Variants in NFATC2 observed in about 807,000 individuals in gnomAD.
NFATC2 encodes nuclear factor of activated T-cells, cytoplasmic 2.
Under a neutral mutation model 87.3 loss-of-function variants are expected in NFATC2, and 22 were observed. That is an observed-to-expected ratio of 0.25 (90% CI 0.18 to 0.36). The LOEUF is 0.36. Ranked by LOEUF, NFATC2 falls within the 10% of genes least tolerant of loss-of-function variation. The probability of loss-of-function intolerance (pLI) is 1.00; values close to 1 mark genes in which losing one functional copy is unlikely to be tolerated. For missense variants in NFATC2, 1,149 were observed against 1,259.1 expected (o/e 0.91, Z 1.32); for synonymous variants, 565 against 542.2 (o/e 1.04, Z -0.58).
Position 51,523,387 on chromosome 20 carries a change from G to T in NFATC2, c.854C>A (p.Pro285His). Residue 285 changes from proline (P) to histidine (H), a missense_variant, in exon 2 of 11, where the codon CCC (proline) becomes CAC (histidine). By Grantham distance (77) the Pro-to-His change is moderately conservative (BLOSUM62 -2). This residue lies in a region of NFATC2 where 563 missense variants were observed against 585.2 expected (regional missense o/e 0.96). Transcript: ENST00000371564. The surrounding 1 kb of genome is among the most constrained non-coding windows in gnomAD (Gnocchi z 6.9). ...CCCAGCCGGGGAGCCGTGGTCCTGG[G>T]GTGCCACGTGAGATGAGGGCTGCGG... ...PSPQPSSHVAPQDHGSPAGYP... is the reference protein window; with the variant it reads ...PSPQPSSHVAHQDHGSPAGYP... 6.2e-7 allele frequency: 1 copy of T among 1,610,618 alleles called. No homozygotes were observed. Among genetic ancestry groups the T allele is most frequent in the African/African-American group, 1.3e-5 (1 of 74,992 alleles).
chr20:51,450,610 A>G (rs1234918875), intron 6 of NFATC2, among the ~76,000 whole-genome samples: 1 of 152,238 alleles, frequency 6.6e-6, no homozygotes, highest in Non-Finnish European at 1.5e-5. Context: ...TTTTACAGAC[A>G]GGGAAGCTGA....
In NFATC2 at chr20:51,526,977, C is replaced by T. The variant is rs147045350; in HGVS notation, c.131-2867G>A. Among the ~76,000 whole-genome samples, 523 of 152,240 alleles carry T rather than the reference C, an allele frequency of 3.4e-3. 4 individuals are homozygous for T. Among genetic ancestry groups the T allele is most frequent in the African/African-American group, 0.012 (494 of 41,532 alleles). The stretch of plus-strand genomic sequence containing the variant: ...GCTGTGGCGCAATAATAGCTCACTG[C>T]AGCCTCCACCTCCCAGGCTCAAGCA... On this transcript the variant is annotated intron_variant, in intron 1 of 10. Transcript: ENST00000371564.
chr20:51,544,874 G>A (rs917328613), upstream of NFATC2, among the ~76,000 whole-genome samples: 1 of 152,172 alleles, frequency 6.6e-6, no homozygotes, highest in Non-Finnish European at 1.5e-5. Context: ...GGGGCCTGGG[G>A]GCTGGCTCAG....
At chr20:51,511,727 T>C (rs1317447465) in intron 3 of NFATC2, among the ~76,000 whole-genome samples, 3 of 152,196 alleles carry the variant, frequency 2.0e-5, no homozygotes, top group African/African-American at 7.2e-5. Context: ...CCTTGATCTT[T>C]CCCCTGGTAC....
At position 51,393,813 on chromosome 20, in the gene NFATC2, A is replaced by G. The variant is rs1448816933; in HGVS notation, c.*45-2362T>C. 2.0e-5 allele frequency among the ~76,000 whole-genome samples: 3 copies of G among 152,212 alleles called. 1 individual carries two copies. The highest frequency in any genetic ancestry group is 7.2e-5 in the African/African-American group (3 of 41,444). ...CTTAATGAAAACTTTCCACAGCCTC[A>G]GCTTTCTAAAATTAGCTGGTAGGCA... On this transcript the variant is annotated intron_variant, in intron 10 of 10. Transcript: ENST00000371564.
intron 9 of NFATC2, among the ~76,000 whole-genome samples, chr20:51,417,612 C>T (rs1278098107): frequency 6.6e-6 from 1 of 152,210 alleles, no homozygotes; most frequent in African/African-American, 2.4e-5. Flanking sequence ...GAACTCCGCA[C>T]TTAGTCTCCA....
At chr20:51,471,878 C>T (rs747827068) in intron 5 of NFATC2, among the ~76,000 whole-genome samples, 13 of 152,160 alleles carry the variant, frequency 8.5e-5, no homozygotes, top group Non-Finnish European at 1.3e-4. Flanking sequence ...AGATTTCCAG[C>T]GCCAGCTGAT....
chr20:51,442,355 C>T (rs1984459612), intron 6 of NFATC2, among the ~76,000 whole-genome samples: 1 of 152,150 alleles, frequency 6.6e-6, no homozygotes, highest in African/African-American at 2.4e-5. Flanking sequence ...TCACTTGAAT[C>T]CGGGAGGTAG....
intron 1 of NFATC2, among the ~76,000 whole-genome samples, chr20:51,534,275 G>T (rs576890161): frequency 6.6e-6 from 1 of 152,250 alleles, no homozygotes; most frequent in Middle Eastern, 3.4e-3. Context: ...CAGTGCACAG[G>T]GGGAAGGGCT....
intron 1 of NFATC2, among the ~76,000 whole-genome samples, chr20:51,555,548 G>C (rs927510522): frequency 6.6e-6 from 1 of 151,508 alleles, no homozygotes; most frequent in Non-Finnish European, 1.5e-5. Context: ...AGCTGAGATT[G>C]CCGCCATTGC....
chr20:51,489,856 G>A (rs1471656226), intron 3 of NFATC2, among the ~76,000 whole-genome samples: 2 of 152,180 alleles, frequency 1.3e-5, no homozygotes, highest in African/African-American at 2.4e-5. Context: ...CGTCTAGAAA[G>A]GTATTCCCAA....
intron 9 of NFATC2, among the ~76,000 whole-genome samples, chr20:51,404,788 C>T (rs1988393779): frequency 6.6e-6 from 1 of 152,214 alleles, no homozygotes; most frequent in South Asian, 2.1e-4. Flanking sequence ...CTCACTGCGC[C>T]CTAGTGTGCG....
intron 9 of NFATC2, among the ~76,000 whole-genome samples, chr20:51,414,763 C>G (rs926210876): frequency 2.0e-5 from 3 of 151,880 alleles, no homozygotes; most frequent in Non-Finnish European, 4.4e-5. Flanking sequence ...GGTTTGGAGG[C>G]AAGAAAGCCT....
chr20:51,446,733 C>G (rs569683633), intron 6 of NFATC2, among the ~76,000 whole-genome samples: 1 of 152,248 alleles, frequency 6.6e-6, no homozygotes, highest in African/African-American at 2.4e-5. Flanking sequence ...TCTATCTCCA[C>G]GGCAGCTTCG....
chr20:51,428,755 C>G (rs974225717), intron 9 of NFATC2, among the ~76,000 whole-genome samples: 1 of 152,208 alleles, frequency 6.6e-6, no homozygotes, highest in Admixed American at 6.5e-5. Context: ...GCTTCCTTTT[C>G]CAGCCACAGA....
At chr20:51,408,676 T>TA (rs1211099662) in intron 9 of NFATC2, among the ~76,000 whole-genome samples, 1 of 152,092 alleles carries the variant, frequency 6.6e-6, no homozygotes, top group Non-Finnish European at 1.5e-5. Context: ...ATACTGGACA[T>TA]AAAAATCAAC....
intron 9 of NFATC2, among the ~76,000 whole-genome samples, chr20:51,407,043 C>T (rs1364926672): frequency 6.6e-6 from 1 of 152,228 alleles, no homozygotes; most frequent in East Asian, 1.9e-4. Flanking sequence ...TTAGTATACG[C>T]TATTCACGTC....
chr20:51,423,024 A>T (rs1981188734), intron 9 of NFATC2, among the ~76,000 whole-genome samples: 1 of 151,448 alleles, frequency 6.6e-6, no homozygotes, highest in Non-Finnish European at 1.5e-5. Context: ...ACAGTGGCTC[A>T]CGCTTATAAT....
chr20:51,516,725 G>A (rs1428553055), intron 3 of NFATC2, 59 bp downstream of exon 3: 16 of 1,524,962 alleles, frequency 1.0e-5, no homozygotes, highest in Non-Finnish European at 1.4e-5. Context: ...TGGGTCAGCA[G>A]AAGTGAATCT....
Sources: gnomAD v4.1 joint callset for allele counts (sites outside exome capture counted in the v4.1 genomes callset) on GRCh38, gnomAD v4.1.1 for gene constraint, gnomAD v4.1.1 regional missense constraint, Gnocchi (gnomAD v3.1) non-coding constraint, MANE v1.5 for transcripts, NCBI Gene and HGNC (gene_info 2026-07-23, HGNC 2026-07-21) for gene names.